Variants in HUNK observed in about 807,000 individuals in gnomAD.
HUNK encodes hormonally up-regulated Neu-associated kinase, also known as hormonally up-regulated neu tumor-associated kinase.
HUNK carries 21 observed loss-of-function variants against 61.0 expected under a neutral mutation model. The observed-to-expected ratio is 0.34, with a 90% CI of 0.24 to 0.50. HUNK has a LOEUF of 0.50. HUNK is among the 20% of genes least tolerant of loss of function. The probability of loss-of-function intolerance (pLI) is 0.98; values close to 1 mark genes in which losing one functional copy is unlikely to be tolerated. For missense variants in HUNK, 772 were observed against 945.7 expected, an observed-to-expected ratio of 0.82 and a Z score of 2.41; for synonymous variants, 371 against 386.1, an observed-to-expected ratio of 0.96 and a Z score of 0.46.
At chr21:31,902,456 G>A (rs778828058) in intron 1 of HUNK, among the ~76,000 whole-genome samples, 1 of 152,112 alleles carries the variant, frequency 6.6e-6, no homozygotes, top group Non-Finnish European at 1.5e-5. Flanking sequence ...GTTGCGGTGA[G>A]CCAAGATCGT....
chr21:31,942,938 C>T (rs2052778929), intron 3 of HUNK, among the ~76,000 whole-genome samples: 2 of 152,118 alleles, frequency 1.3e-5, no homozygotes, highest in South Asian at 4.2e-4. Context: ...AACCGCATTT[C>T]CGGAAGGCAT....
chr21:31,878,277 A>G (rs971657237), intron 1 of HUNK, among the ~76,000 whole-genome samples: 1 of 150,800 alleles, frequency 6.6e-6, no homozygotes, highest in East Asian at 1.9e-4. Context: ...AAAAAAAAAA[A>G]AGAGTTTAAG....
chr21:31,883,019 A>C (rs981472749), intron 1 of HUNK, among the ~76,000 whole-genome samples: 3 of 146,028 alleles, frequency 2.1e-5, no homozygotes, highest in Admixed American at 1.4e-4. Flanking sequence ...GGAGTACATA[A>C]TTTTTTTTTT....
At chr21:31,991,296 A>G (rs886345281) in intron 9 of HUNK, among the ~76,000 whole-genome samples, 1 of 151,766 alleles carries the variant, frequency 6.6e-6, no homozygotes, top group African/African-American at 2.4e-5. Context: ...TTGGCTAACT[A>G]TAAACTCTGC....
intron 4 of HUNK, among the ~76,000 whole-genome samples, chr21:31,949,869 G>A (rs2052837246): frequency 6.6e-6 from 1 of 152,060 alleles, no homozygotes; most frequent in Non-Finnish European, 1.5e-5. Flanking sequence ...GAGAGGGGAG[G>A]TGCCAGGCTC....
chr21:31,888,973 T>C (rs2052367886), intron 1 of HUNK, among the ~76,000 whole-genome samples: 1 of 152,122 alleles, frequency 6.6e-6, no homozygotes, highest in South Asian at 2.1e-4. Context: ...TCTGAGTAGC[T>C]CTGGTTCGCA....
intron 1 of HUNK, among the ~76,000 whole-genome samples, chr21:31,875,453 C>T (rs2052254122): frequency 6.6e-6 from 1 of 151,968 alleles, no homozygotes; most frequent in Non-Finnish European, 1.5e-5. Flanking sequence ...GCCTGAATTC[C>T]CATGCAAAAA....
At chr21:31,949,112 G>A (rs189537115) in intron 4 of HUNK, among the ~76,000 whole-genome samples, 24 of 152,342 alleles carry the variant, frequency 1.6e-4, no homozygotes, top group African/African-American at 5.1e-4. Context: ...ACACGAGCCC[G>A]AATGTAGTGG....
chr21:31,875,652 C>A (rs2052256223), intron 1 of HUNK, among the ~76,000 whole-genome samples: 1 of 152,196 alleles, frequency 6.6e-6, no homozygotes, highest in Non-Finnish European at 1.5e-5. Flanking sequence ...TTAGAGTGAG[C>A]TCTCTTCTCC....
chr21:31,934,796 A>G (rs2052721857), intron 2 of HUNK, among the ~76,000 whole-genome samples: 1 of 152,106 alleles, frequency 6.6e-6, no homozygotes, highest in South Asian at 2.1e-4. Context: ...TGCTCAGGAT[A>G]ATGACTTCGA....
chr21:31,921,389 G>A (rs1260515985), intron 1 of HUNK, among the ~76,000 whole-genome samples: 3 of 151,544 alleles, frequency 2.0e-5, no homozygotes, highest in Non-Finnish European at 4.4e-5. Flanking sequence ...AGGAAGGTGC[G>A]GGGGAGTCTC....
At chr21:31,934,835 G>A (rs1254946042) in intron 2 of HUNK, among the ~76,000 whole-genome samples, 1 of 152,132 alleles carries the variant, frequency 6.6e-6, no homozygotes, top group Non-Finnish European at 1.5e-5. Flanking sequence ...CAGAGGGCAT[G>A]ATTTCATTCT....
intron 2 of HUNK, among the ~76,000 whole-genome samples, chr21:31,936,519 A>G (rs958155515): frequency 6.6e-6 from 1 of 152,214 alleles, no homozygotes; most frequent in African/African-American, 2.4e-5. Context: ...TTGTCACTGA[A>G]ACCTTTTAGA....
chr21:31,979,710 T>C (rs1047425391), intron 7 of HUNK, among the ~76,000 whole-genome samples: 1 of 151,528 alleles, frequency 6.6e-6, no homozygotes. Flanking sequence ...AGAGACAGGG[T>C]TTCACCGTGT....
intron 3 of HUNK, among the ~76,000 whole-genome samples, chr21:31,941,321 T>C (rs1251816809): frequency 6.6e-6 from 1 of 151,900 alleles, no homozygotes; most frequent in East Asian, 1.9e-4. Flanking sequence ...TTTTTTTTTT[T>C]CCTGAGATGG....
chr21:31,881,740 T>G (rs1267761684), intron 1 of HUNK, among the ~76,000 whole-genome samples: 1 of 152,190 alleles, frequency 6.6e-6, no homozygotes, highest in African/African-American at 2.4e-5. Flanking sequence ...TGTATGTTTG[T>G]ACCCATGAAC....
chr21:31,985,442 A>T (rs932958548), intron 8 of HUNK, among the ~76,000 whole-genome samples: 6 of 152,152 alleles, frequency 3.9e-5, no homozygotes, highest in Non-Finnish European at 8.8e-5. Context: ...AGAGACACTG[A>T]TGACAGGGAG....
chr21:31,903,481 T>C, intron 1 of HUNK, among the ~76,000 whole-genome samples: 1 of 152,146 alleles, frequency 6.6e-6, no homozygotes, highest in East Asian at 1.9e-4. Context: ...TGAAAATAAT[T>C]TTCATTCTTG....
At position 31,873,702 on chromosome 21, in the gene HUNK, C is replaced by T. The variant is rs1377081099; in HGVS notation, c.28C>T (p.Leu10=). 3.5e-6 allele frequency: 4 copies of T among 1,141,092 alleles called. No individual in the cohort carries two copies. The highest frequency in any genetic ancestry group is 3.2e-6 in the Non-Finnish European group (3 of 932,106). 70.7% of individuals were successfully genotyped at this position (1,141,092 alleles called of 1,614,324 possible). A position where few individuals can be genotyped will look rare whatever the true frequency, so the allele number is the denominator to read the frequency against. The change falls in exon 1 of 11, where the codon CTG becomes TTG. Residue 10 remains leucine, a synonymous_variant. Coordinates refer to ENST00000270112, the MANE Select transcript of HUNK (RefSeq NM_014586.2). The surrounding 1 kb of genome is among the most constrained non-coding windows in gnomAD (Gnocchi z 6.1). MPAAAGDGL[L]GEPAAPGGGG... is the part of the protein sequence containing the mutation. ...GCCGGCGGCGGCGGGGGACGGGCTC[C>T]TGGGGGAGCCGGCGGCGCCTGGGGG...
Sources: gnomAD v4.1 joint callset for allele counts (sites outside exome capture counted in the v4.1 genomes callset) on GRCh38, gnomAD v4.1.1 for gene constraint, Gnocchi (gnomAD v3.1) non-coding constraint, MANE v1.5 for transcripts, NCBI Gene and HGNC (gene_info 2026-07-23, HGNC 2026-07-21) for gene names.